The following PTPRA variants were observed in gnomAD, a reference collection of about 807,000 sequenced individuals.
PTPRA encodes the protein protein tyrosine phosphatase receptor type A.
In PTPRA, 25 loss-of-function variants were observed where a neutral mutation model predicts 104.8. The observed-to-expected ratio is 0.24, with a 90% CI of 0.17 to 0.33. The LOEUF (loss-of-function observed/expected upper bound fraction) is 0.33. Ranked by LOEUF, PTPRA falls within the 10% of genes least tolerant of loss-of-function variation. PTPRA has a pLI of 1.00. For synonymous variants in PTPRA, 323 were observed against 368.9 expected, an observed-to-expected ratio of 0.88 and a Z score of 1.43; for missense variants, 765 against 1,015.3, an observed-to-expected ratio of 0.75 and a Z score of 3.35.
intron 2 of PTPRA, among the ~76,000 whole-genome samples, chr20:2,938,672 G>C (rs928344924): frequency 1.3e-5 from 2 of 151,984 alleles, no homozygotes; most frequent in Non-Finnish European, 1.5e-5. Flanking sequence ...ATTCATTTAA[G>C]TTTACTAATT....
At chr20:2,956,858 A>T (rs537940466) in intron 3 of PTPRA, among the ~76,000 whole-genome samples, 1 of 152,286 alleles carries the variant, frequency 6.6e-6, no homozygotes, top group South Asian at 2.1e-4. Flanking sequence ...CCAGAAGTGG[A>T]ATTGTGTCAG....
At chr20:2,966,884 T>A (rs1203855557) in intron 5 of PTPRA, among the ~76,000 whole-genome samples, 1 of 152,220 alleles carries the variant, frequency 6.6e-6, no homozygotes, top group Non-Finnish European at 1.5e-5. Context: ...GAAATTTTAG[T>A]AACAACATAA....
At chr20:2,865,939 G>T in the PTPRA span, 2 of 510,922 alleles carry the variant, frequency 3.9e-6, no homozygotes, top group Non-Finnish European at 7.1e-6. The surrounding 1 kb of genome is among the most constrained non-coding windows in gnomAD (Gnocchi z 5.2). Context: ...TGGCAGGAAC[G>T]CCTGTTGCAA....
chr20:3,015,723 T>C (rs762333320), intron 11 of PTPRA, 126 bp from the exon 12 acceptor site: 12 of 732,122 alleles, frequency 1.6e-5, no homozygotes, highest in Non-Finnish European at 2.3e-5. Context: ...ATATCTAGAC[T>C]GGAAATCCCC....
rs762180655 is a variant in PTPRA at position 2,928,830 on chromosome 20, C to CTT, written c.-50+5561_-50+5562dup. ...TTTATCTCCTAATCTTTTTTTCTCT[C>CTT]TTTTTTTTTTTTTTTTTGAGACAGG... On this transcript the variant is annotated intron_variant, in intron 2 of 23. Transcript: ENST00000399903. Among the ~76,000 whole-genome samples the CTT allele has an allele frequency of 2.6e-3, 346 of 135,406 alleles. 6 individuals are homozygous for CTT. Among genetic ancestry groups the CTT allele is most frequent in the Admixed American group, 0.015 (191 of 13,092 alleles). The allele number at this position is 135,406 out of a possible 152,430, so 88.8% of individuals were successfully genotyped here. A position where few individuals can be genotyped will look rare whatever the true frequency, so the allele number is the denominator to read the frequency against.
In PTPRA at chr20:3,037,537, A is replaced by G. The variant is rs1336623150; in HGVS notation, c.2334+248A>G. The stretch of plus-strand genomic sequence containing the variant: ...GGTGTCTGGGTGCCCCACAGGGCTC[A>G]TCTGTACTTCTCTGTGGGTCTTGGG... On this transcript the variant is annotated intron_variant, in intron 23 of 23. Transcript: ENST00000399903. This position sits in a 1 kb window ranked among gnomAD's most constrained non-coding sequence, Gnocchi z 4.3. 6.6e-6 allele frequency among the ~76,000 whole-genome samples: 1 copy of G among 152,202 alleles called. No homozygotes were observed. The highest frequency in any genetic ancestry group is 2.4e-5 in the African/African-American group (1 of 41,458).
rs186551704 is a variant in PTPRA at position 2,903,364 on chromosome 20, A to G, written c.-128-19843A>G. ...CCTAGCTTATAGGGAACACTTAGCA[A>G]ATGTTGGCTATTCCATTTATATATA... On this transcript the variant is annotated intron_variant, in intron 1 of 23. Coordinates refer to ENST00000399903, the MANE Select transcript of PTPRA (RefSeq NM_001385305.1). Among the ~76,000 whole-genome samples, 300 of 152,294 alleles carry G rather than the reference A, an allele frequency of 2.0e-3. 1 individual carries two copies. Among genetic ancestry groups the G allele is most frequent in the Non-Finnish European group, 3.4e-3 (231 of 68,024 alleles).
At chr20:2,991,984 A>T (rs1426757013) in intron 9 of PTPRA, among the ~76,000 whole-genome samples, 1 of 152,222 alleles carries the variant, frequency 6.6e-6, no homozygotes, top group Non-Finnish European at 1.5e-5. Context: ...GCCATCACTT[A>T]AGTAGTATAC....
chr20:2,922,896 A>G (rs1387051474), intron 1 of PTPRA, among the ~76,000 whole-genome samples: 3 of 151,628 alleles, frequency 2.0e-5, no homozygotes, highest in East Asian at 3.9e-4. Context: ...CGGCCTCCCA[A>G]AGTGCTGGGA....
chr20:2,919,033 A>G (rs984811779), intron 1 of PTPRA, among the ~76,000 whole-genome samples: 1 of 152,206 alleles, frequency 6.6e-6, no homozygotes, highest in Non-Finnish European at 1.5e-5. Flanking sequence ...ACTTTAATAT[A>G]TAATACCTGT....
intron 3 of PTPRA, among the ~76,000 whole-genome samples, chr20:2,953,640 C>T (rs1278729290): frequency 1.0e-4 from 15 of 150,328 alleles, no homozygotes; most frequent in African/African-American, 3.7e-4. Flanking sequence ...CAGAATCTTG[C>T]TGTGTTGCCC....
intron 9 of PTPRA, among the ~76,000 whole-genome samples, chr20:2,999,913 CA>C (rs1436083409): frequency 6.6e-6 from 1 of 152,140 alleles, no homozygotes; most frequent in Admixed American, 6.5e-5. Context: ...GGGAAGGCCA[CA>C]ACCTTGGTAA....
At chr20:3,028,101 A>G (rs1279051726) in intron 20 of PTPRA, among the ~76,000 whole-genome samples, 1 of 152,138 alleles carries the variant, frequency 6.6e-6, no homozygotes, top group Non-Finnish European at 1.5e-5. Context: ...CTGAGCCTCC[A>G]TGTTATTCCC....
At chr20:2,969,413 GT>G (rs1449219887) in intron 5 of PTPRA, among the ~76,000 whole-genome samples, 1 of 151,544 alleles carries the variant, frequency 6.6e-6, no homozygotes, top group Non-Finnish European at 1.5e-5. Context: ...ACACCCAGCT[GT>G]TTTTTGTATT....
chr20:2,891,897 A>G (rs1471983723), intron 1 of PTPRA, among the ~76,000 whole-genome samples: 5 of 152,178 alleles, frequency 3.3e-5, no homozygotes, highest in Admixed American at 1.3e-4. Flanking sequence ...TGCAAATACT[A>G]TGTAAATAGC....
upstream of PTPRA, among the ~76,000 whole-genome samples, chr20:2,872,643 G>A (rs1021019135): frequency 2.0e-5 from 3 of 152,210 alleles, no homozygotes; most frequent in African/African-American, 7.2e-5. The surrounding 1 kb of genome is among the most constrained non-coding windows in gnomAD (Gnocchi z 7.9). Context: ...CAGCACCCGC[G>A]GGGATCCGTG....
At chr20:2,934,703 C>T (rs886432337) in intron 2 of PTPRA, among the ~76,000 whole-genome samples, 10 of 132,654 alleles carry the variant, frequency 7.5e-5, no homozygotes, top group African/African-American at 2.0e-4. Context: ...GATGGAGTCT[C>T]GCTCTGTCAC....
chr20:2,977,568 C>T (rs771719000), intron 6 of PTPRA, among the ~76,000 whole-genome samples: 1 of 151,324 alleles, frequency 6.6e-6, no homozygotes, highest in African/African-American at 2.4e-5. Flanking sequence ...TCACCTGAGC[C>T]CAGGAAATGG....
chr20:2,947,742 G>T (rs190947170), intron 2 of PTPRA, among the ~76,000 whole-genome samples: 1 of 152,280 alleles, frequency 6.6e-6, no homozygotes, highest in African/African-American at 2.4e-5. Flanking sequence ...AAAGATAAGA[G>T]ATTTCAGTAT....
Sources: gnomAD v4.1 joint callset for allele counts (sites outside exome capture counted in the v4.1 genomes callset) on GRCh38, gnomAD v4.1.1 for gene constraint, Gnocchi (gnomAD v3.1) non-coding constraint, MANE v1.5 for transcripts, NCBI Gene and HGNC (gene_info 2026-07-23, HGNC 2026-07-21) for gene names.